Variants in SEC24B observed in about 807,000 individuals in gnomAD.
SEC24B encodes the protein SEC24 homolog B, COPII component.
SEC24B carries 45 observed loss-of-function variants against 142.8 expected under a neutral mutation model. The ratio of observed to expected loss-of-function variants is 0.32; its 90% CI spans 0.25 to 0.40. The LOEUF (loss-of-function observed/expected upper bound fraction) is 0.40, where lower values mean the gene tolerates loss of function less well. Among genes scored for constraint, SEC24B ranks in the 10% least tolerant of loss-of-function variants. SEC24B has a pLI of 1.00. For missense variants in SEC24B, 1,409 were observed against 1,526.8 expected (o/e 0.92, Z 1.29); for synonymous variants, 574 against 568.2 (o/e 1.01, Z -0.15).
rs1265541659 is a variant in SEC24B, at chr4:109,433,945, T to A, written c.76T>A (p.Ser26Thr). The change falls in exon 1 of 24, where the codon TCA becomes ACA. Residue 26 changes from serine (S) to threonine (T), a missense_variant. Transcript: ENST00000265175. The stretch of plus-strand genomic sequence containing the variant: ...GCCCAAGTTCGGCGGAGCGGCCGTC[T>A]CAGGAGCCGCAGCGCCCGCGGGCCC... ...IPPKFGGAAV[S>T]GAAAPAGPGA... The A allele has an allele frequency of 1.6e-5, 20 of 1,260,684 alleles. No homozygotes were observed. The highest frequency in any genetic ancestry group is 2.0e-5 in the Non-Finnish European group (20 of 1,005,438). The allele number at this position is 1,260,684 out of a possible 1,614,324, so 78.1% of individuals were successfully genotyped here.
chr4:109,522,585 A>G (rs965882667), intron 14 of SEC24B, among the ~76,000 whole-genome samples: 10 of 152,228 alleles, frequency 6.6e-5, no homozygotes, highest in African/African-American at 2.2e-4. Flanking sequence ...AAATGTAACT[A>G]TTGTAATTCA....
intron 1 of SEC24B, among the ~76,000 whole-genome samples, chr4:109,438,540 A>G (rs1443289656): frequency 6.6e-6 from 1 of 152,152 alleles, no homozygotes; most frequent in Non-Finnish European, 1.5e-5. Context: ...TGATCCTCCC[A>G]TCTAGACTTC....
chr4:109,455,319 GGCTT>G (rs1032464894), intron 1 of SEC24B, among the ~76,000 whole-genome samples: 4 of 151,448 alleles, frequency 2.6e-5, no homozygotes, highest in African/African-American at 4.9e-5. Flanking sequence ...GTGCGATCTT[GGCTT>G]ACTCCAAGCT....
chr4:109,461,117 A>G lies in SEC24B; in HGVS notation c.134-1784A>G, dbSNP rs1045137581. On this transcript the variant is annotated intron_variant, in intron 1 of 23. Coordinates refer to ENST00000265175, the MANE Select transcript of SEC24B (RefSeq NM_006323.5). ...GCTAGAAATCATTAAGGAAATCGCA[A>G]TGCTACAGAAAAAGCAAACAGCAGA... 5.3e-5 allele frequency among the ~76,000 whole-genome samples: 8 copies of G among 152,178 alleles called. No homozygotes were observed. In the South Asian group the frequency reaches 6.2e-4, roughly 12 times the overall value.
intron 22 of SEC24B, among the ~76,000 whole-genome samples, chr4:109,534,204 A>G (rs1374298899): frequency 1.3e-5 from 2 of 152,098 alleles, no homozygotes; most frequent in Admixed American, 6.6e-5. Flanking sequence ...CCTTATGTCA[A>G]AATAACTTTC....
At chr4:109,479,304 CGGT>C (rs146802575) in intron 3 of SEC24B, among the ~76,000 whole-genome samples, 14 of 151,994 alleles carry the variant, frequency 9.2e-5, no homozygotes, top group Non-Finnish European at 1.9e-4. Context: ...CTTCTCCATT[CGGT>C]GGTGGTGGTG....
intron 6 of SEC24B, among the ~76,000 whole-genome samples, chr4:109,502,423 A>G: frequency 6.6e-6 from 1 of 152,208 alleles, no homozygotes; most frequent in Middle Eastern, 3.2e-3. Flanking sequence ...GGAAACAGAG[A>G]GACAAATTGA....
chr4:109,491,089 AC>A (rs1734973260), intron 4 of SEC24B, among the ~76,000 whole-genome samples: 1 of 152,128 alleles, frequency 6.6e-6, no homozygotes, highest in South Asian at 2.1e-4. Flanking sequence ...AAGATACTTT[AC>A]ATGTTTAACT....
chr4:109,473,064 T>G lies in SEC24B; in HGVS notation c.938T>G (p.Val313Gly). Residue 313 changes from valine (V) to glycine (G), a missense_variant, in exon 3 of 24, where the codon GTG becomes GGG. By Grantham distance (109) the Val-to-Gly change is moderately radical. This residue lies in a region of SEC24B where 709 missense variants were observed against 673.5 expected (regional missense o/e 1.05). Transcript: ENST00000265175. ...QNVQPPKSSP[V>G]VSTVLSGSSG... ...GTTCAGCCTCCCAAGTCCAGCCCAGTGGTATCCACTGTTTTATCAGGATCC... is the reference window on the plus strand; with the variant it reads ...GTTCAGCCTCCCAAGTCCAGCCCAGGGGTATCCACTGTTTTATCAGGATCC... 2 of 1,604,432 alleles carry G rather than the reference T, an allele frequency of 1.2e-6. No individual in the cohort carries two copies. The highest frequency in any genetic ancestry group is 1.7e-6 in the Non-Finnish European group (2 of 1,175,426).
At chr4:109,458,498 T>C (rs1398384678) in intron 1 of SEC24B, among the ~76,000 whole-genome samples, 2 of 152,138 alleles carry the variant, frequency 1.3e-5, no homozygotes, top group Non-Finnish European at 2.9e-5. Context: ...AGGAAGTTAT[T>C]TTTAGTAAAG....
chr4:109,527,284 T>C, intron 17 of SEC24B, 38 bp from the exon 18 acceptor site: 2 of 1,330,634 alleles, frequency 1.5e-6, no homozygotes, highest in African/African-American at 1.5e-5. Flanking sequence ...CTTTATTTCC[T>C]TTTTGATCTA....
intron 10 of SEC24B, among the ~76,000 whole-genome samples, chr4:109,516,313 G>A (rs531591504): frequency 6.6e-6 from 1 of 152,154 alleles, no homozygotes; most frequent in Non-Finnish European, 1.5e-5. Flanking sequence ...AACTGTGGCT[G>A]TGTATCAACT....
At chr4:109,490,565 G>A (rs1734922322) in intron 4 of SEC24B, among the ~76,000 whole-genome samples, 1 of 152,000 alleles carries the variant, frequency 6.6e-6, no homozygotes, top group Non-Finnish European at 1.5e-5. Context: ...TACGTACCCA[G>A]GATAATTGTA....
At position 109,529,498 on chromosome 4, in the gene SEC24B, G is replaced by A. The variant is rs114618801; in HGVS notation, c.3077-791G>A. 6.6e-3 allele frequency among the ~76,000 whole-genome samples: 997 copies of A among 152,134 alleles called. 13 individuals carry two copies. The highest frequency in any genetic ancestry group is 0.023 in the African/African-American group (941 of 41,488). Reference sequence around the variant, plus strand: ...TAGAAAAATAAGTTTCACGTTACCTGTGTCTTAATGGCTGCATGAAAACTT... The same window carrying A: ...TAGAAAAATAAGTTTCACGTTACCTATGTCTTAATGGCTGCATGAAAACTT... On this transcript the variant is annotated intron_variant, in intron 18 of 23. Transcript: ENST00000265175.
intron 10 of SEC24B, 149 bp from the exon 11 acceptor site, chr4:109,516,379 C>G (rs566510015): frequency 2.0e-5 from 11 of 548,278 alleles, no homozygotes; most frequent in Non-Finnish European, 3.1e-5. Flanking sequence ...AAAAGCATAT[C>G]ATTTTCATGA....
intron 5 of SEC24B, among the ~76,000 whole-genome samples, chr4:109,492,345 A>G (rs901444647): frequency 3.3e-5 from 5 of 152,090 alleles, no homozygotes; most frequent in Non-Finnish European, 1.5e-5. Context: ...AAGAAGTTGT[A>G]AACCATTCCA....
intron 2 of SEC24B, among the ~76,000 whole-genome samples, chr4:109,464,283 C>T (rs1488529923): frequency 9.3e-5 from 14 of 150,696 alleles, no homozygotes; most frequent in Admixed American, 7.3e-4. Context: ...GTATGTAAGA[C>T]GTGGCTTGCC....
intron 3 of SEC24B, among the ~76,000 whole-genome samples, chr4:109,474,355 C>G (rs1376064433): frequency 2.0e-5 from 3 of 151,612 alleles, no homozygotes; most frequent in African/African-American, 7.3e-5. Context: ...TGATGACTGC[C>G]TTCCATTTCT....
Position 109,521,157 on chromosome 4 carries a change from A to C in SEC24B, c.2286A>C (p.Leu762=). 1 of 1,519,206 alleles carries C rather than the reference A, an allele frequency of 6.6e-7. No individual in the cohort carries two copies. The highest frequency in any genetic ancestry group is 9.1e-7 in the Non-Finnish European group (1 of 1,098,826). The allele number at this position is 1,519,206 out of a possible 1,614,324, so 94.1% of individuals were successfully genotyped here. The change falls in exon 13 of 24, where the codon CTA becomes CTC. Residue 762 remains leucine (L), a synonymous_variant. Transcript: ENST00000265175. ...CACCGGATAGTTTACTTGTGAATCT[A>C]TATGAAAGTAAAGAGGTAAGATTGA... The part of the protein sequence containing the change: ...LPTPDSLLVN[L]YESKELIKDL...
Sources: allele counts gnomAD v4.1 joint callset (sites outside exome capture counted in the v4.1 genomes callset), GRCh38; gene constraint gnomAD v4.1.1; regional missense constraint gnomAD v4.1.1; transcripts MANE v1.5; gene names NCBI Gene and HGNC (gene_info 2026-07-23, HGNC 2026-07-21).